The following NEK5 variants were observed in gnomAD, a reference collection of about 807,000 sequenced individuals.
The protein encoded by NEK5 is NIMA related kinase 5.
NEK5 carries 88 observed loss-of-function variants against 109.2 expected under a neutral mutation model. The ratio of observed to expected loss-of-function variants is 0.81; its 90% CI spans 0.68 to 0.96. The LOEUF is 0.96. Among genes scored for constraint, NEK5 ranks in the 40% least tolerant of loss-of-function variants. NEK5 has a pLI of 0.00. For synonymous variants in NEK5, 283 were observed against 299.9 expected, an observed-to-expected ratio of 0.94 and a Z score of 0.58; for missense variants, 834 against 920.7, an observed-to-expected ratio of 0.91 and a Z score of 1.22.
At chr13:52,098,512 A>G (rs1955466196) in intron 12 of NEK5, among the ~76,000 whole-genome samples, 1 of 152,144 alleles carries the variant, frequency 6.6e-6, no homozygotes, top group South Asian at 2.1e-4. Context: ...ACATACCAGA[A>G]GCATTTCACT....
chr13:52,094,619 TA>T (rs1362705716), intron 12 of NEK5, among the ~76,000 whole-genome samples: 2 of 152,136 alleles, frequency 1.3e-5, no homozygotes, highest in Admixed American at 1.3e-4. Context: ...CCGTCTCTAC[TA>T]AAAACACAAA....
At chr13:52,053,250 G>A (rs554356023) in intron 22 of NEK5, among the ~76,000 whole-genome samples, 6 of 152,158 alleles carry the variant, frequency 3.9e-5, no homozygotes, top group East Asian at 1.9e-4. Flanking sequence ...GCAGTGAGCC[G>A]AAACTCCAAC....
intron 13 of NEK5, 65 bp from the exon 14 acceptor site, chr13:52,089,378 A>G (rs1199095797): frequency 2.0e-6 from 2 of 986,170 alleles, no homozygotes; most frequent in Non-Finnish European, 1.6e-6. Context: ...CAATTTGACG[A>G]GTAATTTTCA....
At chr13:52,091,773 T>G (rs1955288913) in intron 13 of NEK5, among the ~76,000 whole-genome samples, 1 of 152,320 alleles carries the variant, frequency 6.6e-6, no homozygotes, top group East Asian at 1.9e-4. Flanking sequence ...TGAAAAAAAT[T>G]TGAAAATATT....
rs1410596411 is a variant in NEK5, at chr13:52,048,671, T to G, written c.2228+1433A>C. 4.6e-5 allele frequency among the ~76,000 whole-genome samples: 7 copies of G among 152,326 alleles called. No homozygotes were observed. In the East Asian group the frequency reaches 1.3e-3, roughly 29 times the overall value. ...AAAAAGAAGGAAATTCTGGCATTTGTGACAACATGAATAACCCTGGAGGGC... is the reference window on the plus strand; with the variant it reads ...AAAAAGAAGGAAATTCTGGCATTTGGGACAACATGAATAACCCTGGAGGGC... On this transcript the variant is annotated intron_variant, in intron 23 of 23. Coordinates refer to ENST00000684899, the MANE Select transcript of NEK5 (RefSeq NM_001365552.1).
chr13:52,080,294 G>A (rs1954974459), intron 17 of NEK5, among the ~76,000 whole-genome samples: 1 of 149,996 alleles, frequency 6.7e-6, no homozygotes, highest in Non-Finnish European at 1.5e-5. Flanking sequence ...CGCCCGGCCA[G>A]CCGCCTCGTC....
intron 11 of NEK5, among the ~76,000 whole-genome samples, chr13:52,100,965 T>C (rs1237355569): frequency 1.3e-5 from 2 of 152,230 alleles, no homozygotes; most frequent in East Asian, 1.9e-4. Flanking sequence ...CCTCCTGATA[T>C]TGTAAGTCCA....
intron 22 of NEK5, among the ~76,000 whole-genome samples, chr13:52,052,749 T>C (rs1954518830): frequency 6.6e-6 from 1 of 152,176 alleles, no homozygotes; most frequent in Non-Finnish European, 1.5e-5. Context: ...CCACCAGAAA[T>C]TTTTAAGATG....
At chr13:52,055,634 G>A (rs949254331) in intron 22 of NEK5, among the ~76,000 whole-genome samples, 21 of 151,858 alleles carry the variant, frequency 1.4e-4, no homozygotes, top group Middle Eastern at 3.4e-3. Flanking sequence ...AACAGAGGGG[G>A]GCCAATATTC....
At position 52,079,203 on chromosome 13, in the gene NEK5, T is replaced by G. The variant is rs184353030; in HGVS notation, c.1573-3060A>C. On this transcript the variant is annotated intron_variant, in intron 17 of 23. Coordinates refer to ENST00000684899, the MANE Select transcript of NEK5 (RefSeq NM_001365552.1). ...AGAAGAGAGGGAAGGGATATTTCAGTAGAGAAATAAGCATTTTACAAAAGC... is the reference window on the plus strand; with the variant it reads ...AGAAGAGAGGGAAGGGATATTTCAGGAGAGAAATAAGCATTTTACAAAAGC... Among the ~76,000 whole-genome samples the G allele has an allele frequency of 5.3e-5, 8 of 152,012 alleles. No individual in the cohort carries two copies. The East Asian group carries it at 1.6e-3, about 29-fold the overall frequency.
chr13:52,048,686 C>A (rs992454998), intron 23 of NEK5, among the ~76,000 whole-genome samples: 2 of 152,122 alleles, frequency 1.3e-5, no homozygotes, highest in Non-Finnish European at 2.9e-5. Context: ...ACATGAATAA[C>A]CCTGGAGGGC....
At chr13:52,067,644 G>A (rs978703287) in intron 20 of NEK5, among the ~76,000 whole-genome samples, 1 of 150,582 alleles carries the variant, frequency 6.6e-6, no homozygotes, top group Non-Finnish European at 1.5e-5. Flanking sequence ...CTGGTTGTGG[G>A]CCAAGGCTCC....
chr13:52,106,855 A>C (rs1007864760), intron 8 of NEK5, among the ~76,000 whole-genome samples: 1 of 152,094 alleles, frequency 6.6e-6, no homozygotes, highest in African/African-American at 2.4e-5. Flanking sequence ...GACACCTTGA[A>C]GATTACCTAG....
chr13:52,084,154 T>A (rs1955070177), intron 16 of NEK5, among the ~76,000 whole-genome samples: 1 of 152,224 alleles, frequency 6.6e-6, no homozygotes, highest in African/African-American at 2.4e-5. Flanking sequence ...ACTCTATGAT[T>A]GTTTTATACA....
rs369664873 is a variant in NEK5 at position 52,054,414 on chromosome 13, G to A, written c.2111-4193C>T. ...TGGCTCATGGCAGCCTCCAACTCCAGGGCTCAAGTGATCCTCCTGCCTCAG... is the reference window on the plus strand; with the variant it reads ...TGGCTCATGGCAGCCTCCAACTCCAAGGCTCAAGTGATCCTCCTGCCTCAG... On this transcript the variant is annotated intron_variant, in intron 22 of 23. Coordinates refer to ENST00000684899, the MANE Select transcript of NEK5 (RefSeq NM_001365552.1). Among the ~76,000 whole-genome samples the A allele has an allele frequency of 5.9e-5, 9 of 152,314 alleles. No individual in the cohort carries two copies. In the East Asian group the frequency reaches 1.4e-3, roughly 23 times the overall value.
At chr13:52,050,630 GT>G (rs902921052) in intron 22 of NEK5, among the ~76,000 whole-genome samples, 29 of 121,794 alleles carry the variant, frequency 2.4e-4, no homozygotes, top group Non-Finnish European at 2.8e-4. Flanking sequence ...TTTTTTTGCA[GT>G]TTTTTTTTTT....
chr13:52,064,317 C>A (rs963774317), intron 21 of NEK5, among the ~76,000 whole-genome samples: 2 of 138,928 alleles, frequency 1.4e-5, no homozygotes, highest in Non-Finnish European at 3.2e-5. Flanking sequence ...TGAGGAGCCC[C>A]TCTGCCTGGC....
chr13:52,075,538 G>A (rs1048849048), intron 19 of NEK5, among the ~76,000 whole-genome samples: 1 of 151,992 alleles, frequency 6.6e-6, no homozygotes, highest in African/African-American at 2.4e-5. Context: ...TAACTACTGG[G>A]TATTATGCTC....
At chr13:52,117,111 G>A (rs1016942975) in intron 4 of NEK5, among the ~76,000 whole-genome samples, 84 of 152,152 alleles carry the variant, frequency 5.5e-4, no homozygotes, top group African/African-American at 1.8e-3. Context: ...TAGTAGAGAC[G>A]GGGTTTCACC....
Sources: allele counts gnomAD v4.1 joint callset (sites outside exome capture counted in the v4.1 genomes callset), GRCh38; gene constraint gnomAD v4.1.1; transcripts MANE v1.5; gene names NCBI Gene and HGNC (gene_info 2026-07-23, HGNC 2026-07-21).